The following MAPKAP1 variants were observed in gnomAD, a reference collection of about 807,000 sequenced individuals.
The protein encoded by MAPKAP1 is target of rapamycin complex 2 subunit MAPKAP1.
MAPKAP1 carries 20 observed loss-of-function variants against 65.7 expected under a neutral mutation model. The observed-to-expected ratio is 0.30, with a 90% CI of 0.21 to 0.44. MAPKAP1 has a LOEUF of 0.44. Ranked by LOEUF, MAPKAP1 falls within the 20% of genes least tolerant of loss-of-function variation. The probability of loss-of-function intolerance (pLI) is 1.00; values close to 1 mark genes in which losing one functional copy is unlikely to be tolerated. For synonymous variants in MAPKAP1, 222 were observed against 244.3 expected (o/e 0.91, Z 0.85); for missense variants, 423 against 648.0 (o/e 0.65, Z 3.77).
chr9:125,693,814 CAT>C (rs1217196453), intron 1 of MAPKAP1, among the ~76,000 whole-genome samples: 14 of 140,546 alleles, frequency 1.0e-4, no homozygotes, highest in South Asian at 2.2e-4. Flanking sequence ...TATACACACA[CAT>C]ATACACACAC....
intron 4 of MAPKAP1, among the ~76,000 whole-genome samples, chr9:125,638,964 T>C (rs1035877644): frequency 6.6e-6 from 1 of 152,194 alleles, no homozygotes; most frequent in Non-Finnish European, 1.5e-5. Context: ...GCCCTTCAAA[T>C]ATAGAGATTT....
chr9:125,613,619 C>A (rs73593536), intron 4 of MAPKAP1, among the ~76,000 whole-genome samples: 1 of 152,046 alleles, frequency 6.6e-6, no homozygotes, highest in Non-Finnish European at 1.5e-5. Context: ...AGATGCTAAT[C>A]CAGAAAACAC....
At chr9:125,562,348 C>G (rs1172887444) in intron 5 of MAPKAP1, among the ~76,000 whole-genome samples, 2 of 152,092 alleles carry the variant, frequency 1.3e-5, no homozygotes, top group South Asian at 2.1e-4. Context: ...TTGTAAAGTG[C>G]CCCCCTGGGC....
At chr9:125,682,406 T>C (rs1834850893) in intron 1 of MAPKAP1, among the ~76,000 whole-genome samples, 1 of 152,224 alleles carries the variant, frequency 6.6e-6, no homozygotes, top group African/African-American at 2.4e-5. Context: ...ATACTGTTAT[T>C]CAGCTATTAT....
At chr9:125,499,413 A>T (rs1217516608) in intron 8 of MAPKAP1, among the ~76,000 whole-genome samples, 1 of 152,234 alleles carries the variant, frequency 6.6e-6, no homozygotes, top group Non-Finnish European at 1.5e-5. Context: ...TTGTTTTCAT[A>T]ATTTACTTCC....
At chr9:125,659,404 T>C (rs1423145238) in intron 3 of MAPKAP1, among the ~76,000 whole-genome samples, 1 of 152,180 alleles carries the variant, frequency 6.6e-6, no homozygotes. Flanking sequence ...TTCTCAGACA[T>C]TCACACTCAG....
intron 7 of MAPKAP1, among the ~76,000 whole-genome samples, chr9:125,520,117 G>A (rs1490324712): frequency 6.6e-6 from 1 of 152,168 alleles, no homozygotes; most frequent in Non-Finnish European, 1.5e-5. Flanking sequence ...AAGTTACTTA[G>A]CCTTTCTGTG....
In MAPKAP1 at chr9:125,437,539, A is replaced by AT. The variant is rs1303710120; in HGVS notation, c.*1347dup. 1 of 152,606 alleles carries AT rather than the reference A, an allele frequency of 6.6e-6. No homozygotes were observed. Among genetic ancestry groups the AT allele is most frequent in the African/African-American group, 2.4e-5 (1 of 41,440 alleles). The allele number at this position is 152,606 out of a possible 1,614,324, so 9.5% of individuals were successfully genotyped here. On this transcript the variant is annotated 3_prime_UTR_variant, in exon 12 of 12. Coordinates refer to ENST00000265960, the MANE Select transcript of MAPKAP1 (RefSeq NM_001006617.3). ...CAAATACAGATAGCAAGCTACAAATATTTCTTTTGTTTTTGGGTGGGGGGT... is the reference window on the plus strand; with the variant it reads ...CAAATACAGATAGCAAGCTACAAATATTTTCTTTTGTTTTTGGGTGGGGGGT...
At chr9:125,514,964 T>C (rs1471740989) in intron 7 of MAPKAP1, among the ~76,000 whole-genome samples, 4 of 152,138 alleles carry the variant, frequency 2.6e-5, no homozygotes, top group Admixed American at 6.5e-5. Context: ...CCATCGCTTA[T>C]AACTCTTCCT....
intron 8 of MAPKAP1, among the ~76,000 whole-genome samples, chr9:125,503,712 TTTTC>T (rs1275859058): frequency 2.0e-5 from 3 of 151,784 alleles, no homozygotes; most frequent in South Asian, 4.2e-4. Context: ...ATAATTTCTT[TTTTC>T]TTTCTTTCTT....
chr9:125,550,717 C>G (rs1004226348), intron 6 of MAPKAP1, among the ~76,000 whole-genome samples: 1 of 152,184 alleles, frequency 6.6e-6, no homozygotes, highest in Non-Finnish European at 1.5e-5. Flanking sequence ...AAAAGGAAAT[C>G]AAGTCAGATT....
intron 10 of MAPKAP1, among the ~76,000 whole-genome samples, chr9:125,455,242 A>G (rs1488629499): frequency 6.6e-6 from 1 of 152,210 alleles, no homozygotes; most frequent in African/African-American, 2.4e-5. Context: ...TGTTAGGATT[A>G]CATAACCCTA....
intron 5 of MAPKAP1, among the ~76,000 whole-genome samples, chr9:125,577,091 C>T (rs13302033): frequency 1.3e-5 from 2 of 148,802 alleles, no homozygotes; most frequent in Admixed American, 6.6e-5. Flanking sequence ...TCTTCCCGGC[C>T]GCCATCCCAT....
At chr9:125,656,468 C>T (rs897158638) in intron 4 of MAPKAP1, among the ~76,000 whole-genome samples, 7 of 152,156 alleles carry the variant, frequency 4.6e-5, no homozygotes. Context: ...CATTTTGTTT[C>T]TAGTTTTTGC....
At chr9:125,492,078 C>T (rs191976119) in intron 8 of MAPKAP1, among the ~76,000 whole-genome samples, 209 of 151,118 alleles carry the variant, frequency 1.4e-3, no homozygotes, top group Middle Eastern at 3.4e-3. Flanking sequence ...GTGGTGCACA[C>T]CTGTAGTCCC....
intron 7 of MAPKAP1, among the ~76,000 whole-genome samples, chr9:125,534,739 C>A (rs1279743691): frequency 6.6e-6 from 1 of 151,838 alleles, no homozygotes; most frequent in South Asian, 2.1e-4. Context: ...AGCTTACATA[C>A]GGACATGACC....
chr9:125,548,032 A>G (rs1589277626), intron 6 of MAPKAP1, among the ~76,000 whole-genome samples: 1 of 152,318 alleles, frequency 6.6e-6, no homozygotes, highest in East Asian at 1.9e-4. Context: ...TTTATTGAAC[A>G]CTTTCTATGG....
At chr9:125,632,934 T>G (rs1307515550) in intron 4 of MAPKAP1, among the ~76,000 whole-genome samples, 1 of 152,200 alleles carries the variant, frequency 6.6e-6, no homozygotes. Context: ...ACAAAGAATT[T>G]TAACCACAGC....
chr9:125,442,754 A>G (rs1852543312), intron 11 of MAPKAP1, among the ~76,000 whole-genome samples: 1 of 152,050 alleles, frequency 6.6e-6, no homozygotes, highest in East Asian at 1.9e-4. Context: ...TCTCCCTTTC[A>G]TCCAGCTAAT....
Sources: allele counts gnomAD v4.1 joint callset (sites outside exome capture counted in the v4.1 genomes callset), GRCh38; gene constraint gnomAD v4.1.1; transcripts MANE v1.5; gene names NCBI Gene and HGNC (gene_info 2026-07-23, HGNC 2026-07-21).